Variants in PTPN22 observed in about 807,000 individuals in gnomAD.
The protein encoded by PTPN22 is tyrosine-protein phosphatase non-receptor type 22.
Under a neutral mutation model 103.3 loss-of-function variants are expected in PTPN22, and 85 were observed. The ratio of observed to expected loss-of-function variants is 0.82; its 90% CI spans 0.69 to 0.99. The LOEUF is 0.99. Ranked by LOEUF, PTPN22 falls within the 50% of genes least tolerant of loss-of-function variation. The pLI is 0.00. For synonymous variants in PTPN22, 323 were observed against 310.2 expected, an observed-to-expected ratio of 1.04 and a Z score of -0.43; for missense variants, 865 against 936.9, an observed-to-expected ratio of 0.92 and a Z score of 1.00.
chr1:113,854,601 T>C (rs1339975042), intron 8 of PTPN22, 64 bp from the exon 9 acceptor site: 50 of 1,484,202 alleles, frequency 3.4e-5, no homozygotes, highest in Non-Finnish European at 4.5e-5. Flanking sequence ...CCATTGACAG[T>C]AGCTGGAAAA....
chr1:113,813,813 A>T (rs1020584582), exon 21 of PTPN22: 3 of 152,362 alleles, frequency 2.0e-5, no homozygotes, highest in African/African-American at 7.2e-5. Flanking sequence ...CAATGAAGTC[A>T]GTTTAACAAC....
At chr1:113,826,358 GAGAA>G (rs1348364445) in intron 18 of PTPN22, among the ~76,000 whole-genome samples, 2 of 145,020 alleles carry the variant, frequency 1.4e-5, no homozygotes, top group Non-Finnish European at 3.0e-5. Context: ...AAGAAAGAAA[GAGAA>G]AGAGAGAGAC....
At chr1:113,830,116 TAATC>T (rs1261661289) in intron 16 of PTPN22, 87 bp from the exon 17 acceptor site, 4 of 937,354 alleles carry the variant, frequency 4.3e-6, no homozygotes, top group South Asian at 1.7e-5. Context: ...TATAATTTTT[TAATC>T]AATCAATCTT....
At chr1:113,824,732 C>T in intron 19 of PTPN22, among the ~76,000 whole-genome samples, 1 of 152,008 alleles carries the variant, frequency 6.6e-6, no homozygotes, top group East Asian at 1.9e-4. Flanking sequence ...GGTGCAGTGG[C>T]TTATGCCTGT....
chr1:113,857,852 T>C lies in PTPN22; in HGVS notation c.370-76A>G. On this transcript the variant is annotated intron_variant, in intron 4 of 20. Transcript: ENST00000359785. ...AGCAGTTAATACATGGATCCCAGACTCAGAAAGTATTAACCGTTCTTTTTT... is the reference window on the plus strand; with the variant it reads ...AGCAGTTAATACATGGATCCCAGACCCAGAAAGTATTAACCGTTCTTTTTT... 18 of 1,306,846 alleles carry C rather than the reference T, an allele frequency of 1.4e-5. No homozygotes were observed. The South Asian group carries it at 2.2e-4, about 16-fold the overall frequency. The allele number at this position is 1,306,846 out of a possible 1,614,324, so 81.0% of individuals were successfully genotyped here.
At chr1:113,862,924 G>A (rs1665743765) in intron 1 of PTPN22, among the ~76,000 whole-genome samples, 1 of 152,210 alleles carries the variant, frequency 6.6e-6, no homozygotes, top group Admixed American at 6.5e-5. Context: ...AGCGTGCAAT[G>A]CAATCATCTT....
intron 12 of PTPN22, 51 bp from the exon 13 acceptor site, chr1:113,838,458 TTCCTAGCA>T: frequency 3.1e-6 from 5 of 1,588,026 alleles, no homozygotes; most frequent in Non-Finnish European, 3.4e-6. Context: ...AACAGGCCGC[TTCCTAGCA>T]TCACAATGAT....
intron 10 of PTPN22, 29 bp from the exon 11 acceptor site, chr1:113,848,655 G>C: frequency 6.3e-7 from 1 of 1,583,170 alleles, no homozygotes; most frequent in South Asian, 1.2e-5. Flanking sequence ...CAGAACAAAT[G>C]AAAACAAAAA....
intron 1 of PTPN22, among the ~76,000 whole-genome samples, chr1:113,866,241 G>A (rs559013500): frequency 9.9e-5 from 15 of 152,180 alleles, no homozygotes; most frequent in East Asian, 5.8e-4. Flanking sequence ...GGCTGGGCGC[G>A]GTGGCTCACA....
intron 1 of PTPN22, among the ~76,000 whole-genome samples, chr1:113,863,784 C>T (rs1039731617): frequency 6.6e-6 from 1 of 151,974 alleles, no homozygotes; most frequent in African/African-American, 2.4e-5. Context: ...AATGAATCTC[C>T]AGAAGTTGCA....
chr1:113,826,140 A>G (rs552778026), intron 18 of PTPN22, among the ~76,000 whole-genome samples: 1 of 152,122 alleles, frequency 6.6e-6, no homozygotes, highest in African/African-American at 2.4e-5. Context: ...GAGGCCAGGG[A>G]GTTCAAGACC....
intron 1 of PTPN22, among the ~76,000 whole-genome samples, chr1:113,863,194 G>A (rs1452518748): frequency 6.6e-6 from 1 of 152,162 alleles, no homozygotes; most frequent in Non-Finnish European, 1.5e-5. Context: ...CCAGGTTCAA[G>A]TGATCCTCCC....
At chr1:113,849,285 A>G (rs1393315193) in intron 10 of PTPN22, among the ~76,000 whole-genome samples, 1 of 152,212 alleles carries the variant, frequency 6.6e-6, no homozygotes, top group Non-Finnish European at 1.5e-5. Flanking sequence ...AAGGTTTTGA[A>G]ATTTGTGGTT....
intron 1 of PTPN22, among the ~76,000 whole-genome samples, chr1:113,870,139 T>G (rs1247879615): frequency 6.6e-6 from 1 of 152,212 alleles, no homozygotes; most frequent in Non-Finnish European, 1.5e-5. Flanking sequence ...AAGTGCTCAA[T>G]AAATGGTACT....
chr1:113,829,687 C>CTA lies in PTPN22; in HGVS notation c.2153_2154dup (p.Glu719Ter). 1 of 1,591,202 alleles carries CTA rather than the reference C, an allele frequency of 6.3e-7. No homozygotes were observed. Among genetic ancestry groups the CTA allele is most frequent in the Non-Finnish European group, 8.5e-7 (1 of 1,170,452 alleles). The stretch of plus-strand genomic sequence containing the variant: ...TCAGGATAGCTAGTAGAATATGTTT[C>CTA]TATAGATTGGGCCTGCATACCTTAA... On this transcript the variant is annotated frameshift_variant, in exon 18 of 21. Transcript: ENST00000359785. LOFTEE classifies it high-confidence loss of function.
chr1:113,819,741 A>G (rs1362006190), intron 19 of PTPN22, 87 bp from the exon 20 acceptor site: 6 of 799,574 alleles, frequency 7.5e-6, no homozygotes, highest in Non-Finnish European at 1.1e-5. Flanking sequence ...TGTTAAGAGT[A>G]ATTAATAATC....
At chr1:113,869,288 G>C (rs1335468081) in intron 1 of PTPN22, among the ~76,000 whole-genome samples, 1 of 152,170 alleles carries the variant, frequency 6.6e-6, no homozygotes, top group Non-Finnish European at 1.5e-5. Flanking sequence ...GACTGAAGGT[G>C]GGGCAAGGCT....
chr1:113,850,200 A>AGAAGGAAGGAAGGAAGGAAG (rs71090741), intron 10 of PTPN22, among the ~76,000 whole-genome samples: 7 of 77,946 alleles, frequency 9.0e-5, no homozygotes, highest in Non-Finnish European at 1.3e-4. Flanking sequence ...CCATCTCAAA[A>AGAAGGAAGGAAGGAAGGAAG]GAAGGAAGGA....
chr1:113,824,992 G>T, intron 19 of PTPN22, 150 bp downstream of exon 19: 1 of 402,728 alleles, frequency 2.5e-6, no homozygotes. Flanking sequence ...AAAAAAAGGA[G>T]GCCTATGGGT....
Sources: gnomAD v4.1 joint callset for allele counts (sites outside exome capture counted in the v4.1 genomes callset) on GRCh38, gnomAD v4.1.1 for gene constraint, MANE v1.5 for transcripts, NCBI Gene and HGNC (gene_info 2026-07-23, HGNC 2026-07-21) for gene names.